BTG4: variants seen among roughly 807,000 people sequenced by gnomAD.
The protein encoded by BTG4 is BTG anti-proliferation factor 4.
BTG4 carries 10 observed loss-of-function variants against 19.3 expected under a neutral mutation model. That is an observed-to-expected ratio of 0.52 (90% confidence interval 0.32 to 0.88). The LOEUF is 0.88. Among genes scored for constraint, BTG4 ranks in the 40% least tolerant of loss-of-function variants. BTG4 has a pLI of 0.04. For synonymous variants in BTG4, 91 were observed against 95.7 expected (o/e 0.95, Z 0.29); for missense variants, 238 against 281.9 (o/e 0.84, Z 1.11).
chr11:111,410,178 A>C, the BTG4 span, among the ~76,000 whole-genome samples: 1 of 137,808 alleles, frequency 7.3e-6, no homozygotes, highest in East Asian at 2.0e-4. Flanking sequence ...GGCCTTTCTG[A>C]AACTCTTTTT....
the BTG4 span, among the ~76,000 whole-genome samples, chr11:111,392,256 C>A: frequency 2.2e-5 from 3 of 137,524 alleles, no homozygotes; most frequent in Non-Finnish European, 3.1e-5. Context: ...CGGCTCACTG[C>A]AAGCTCTGCC....
intron 5 of BTG4, among the ~76,000 whole-genome samples, chr11:111,488,908 G>A (rs947531945): frequency 3.3e-5 from 5 of 152,140 alleles, no homozygotes; most frequent in Non-Finnish European, 7.4e-5. Flanking sequence ...CACTTTGGGA[G>A]GCTGAGGTGG....
chr11:111,491,210 G>A (rs75188980), downstream of BTG4, among the ~76,000 whole-genome samples: 4,071 of 152,252 alleles, frequency 0.027, 94 homozygotes, highest in Middle Eastern at 0.088. Flanking sequence ...TTGCCAAGGG[G>A]TTAAGAAAGG....
At chr11:111,508,381 T>C (rs1043749031) in intron 1 of BTG4, among the ~76,000 whole-genome samples, 4 of 147,754 alleles carry the variant, frequency 2.7e-5, no homozygotes, top group Admixed American at 6.9e-5. Flanking sequence ...TTTTTTTTGG[T>C]GAACTTCACA....
the BTG4 span, among the ~76,000 whole-genome samples, chr11:111,412,994 C>T: frequency 9.2e-5 from 14 of 152,184 alleles, no homozygotes; most frequent in African/African-American, 2.6e-4. Context: ...GCATTAAAGA[C>T]GGGTGGTCGG....
chr11:111,506,785 T>A (rs986891633), intron 1 of BTG4, among the ~76,000 whole-genome samples: 4 of 152,126 alleles, frequency 2.6e-5, no homozygotes, highest in African/African-American at 7.2e-5. Context: ...ACTCTCTTAT[T>A]AATGGAACAT....
In BTG4 at chr11:111,472,535, T is replaced by C. The variant is rs796496574; in HGVS notation, c.663-4854A>G. Among the ~76,000 whole-genome samples, 17 of 152,258 alleles carry C rather than the reference T, an allele frequency of 1.1e-4. 1 individual carries two copies. The highest frequency in any genetic ancestry group is 4.1e-4 in the African/African-American group (17 of 41,558). On this transcript the variant is annotated intron_variant, in intron 5 of 5. Transcript: ENST00000356018. ...AGCTCCCAGAGCAAAGAGTTACTCA[T>C]CCCAAAATAGTGCCAATCCTGGTCT...
the BTG4 span, among the ~76,000 whole-genome samples, chr11:111,395,674 A>C: frequency 1.3e-5 from 2 of 152,242 alleles, no homozygotes; most frequent in African/African-American, 2.4e-5. Flanking sequence ...GCTGATACAA[A>C]AGCCCCAAAT....
At chr11:111,476,135 T>TACACAC (rs55989357) in intron 5 of BTG4, among the ~76,000 whole-genome samples, 3,560 of 148,286 alleles carry the variant, frequency 0.024, 87 homozygotes, top group African/African-American at 0.066. Flanking sequence ...CCAGAATAGA[T>TACACAC]ACACACACAC....
At chr11:111,421,972 C>T in the BTG4 span, among the ~76,000 whole-genome samples, 1 of 151,956 alleles carries the variant, frequency 6.6e-6, no homozygotes, top group Non-Finnish European at 1.5e-5. Context: ...ACCATTGAGA[C>T]CAAGCTCACG....
Position 111,479,096 on chromosome 11 carries a change from A to G in BTG4, c.663-11415T>C, listed in dbSNP as rs1193966508. On this transcript the variant is annotated intron_variant, in intron 5 of 5. Coordinates refer to the BTG4 transcript ENST00000356018. ...AAATTTCTGAAAACAAAAAGCAAAG[A>G]AAAAATCTTGAAAGCAGCCAGAGAA... Among the ~76,000 whole-genome samples, 3 of 152,142 alleles carry G rather than the reference A, an allele frequency of 2.0e-5. No individual in the cohort carries two copies. In the East Asian group the frequency reaches 5.8e-4, roughly 29 times the overall value.
chr11:111,488,133 C>T (rs772189953), intron 5 of BTG4, among the ~76,000 whole-genome samples: 19 of 152,038 alleles, frequency 1.2e-4, no homozygotes, highest in Non-Finnish European at 2.2e-4. Context: ...ACAAATGACC[C>T]AGAACAGCCA....
the BTG4 span, among the ~76,000 whole-genome samples, chr11:111,435,544 C>A: frequency 4.6e-5 from 7 of 152,302 alleles, no homozygotes; most frequent in South Asian, 1.0e-3. Flanking sequence ...GAAAGGAATT[C>A]TTTGGCTGAG....
chr11:111,436,314 C>T, the BTG4 span, among the ~76,000 whole-genome samples: 1 of 152,144 alleles, frequency 6.6e-6, no homozygotes, highest in African/African-American at 2.4e-5. Flanking sequence ...GACCTGGCAA[C>T]TGGATAAATG....
chr11:111,405,177 G>A, the BTG4 span, among the ~76,000 whole-genome samples: 5 of 152,054 alleles, frequency 3.3e-5, no homozygotes, highest in Admixed American at 6.5e-5. Flanking sequence ...AGGCCGAGGC[G>A]GGTGGATCAG....
chr11:111,401,271 G>A, the BTG4 span, among the ~76,000 whole-genome samples: 2 of 152,056 alleles, frequency 1.3e-5, no homozygotes, highest in Admixed American at 6.5e-5. Flanking sequence ...CGGATCACGA[G>A]GTCAGGAGAT....
the BTG4 span, among the ~76,000 whole-genome samples, chr11:111,391,010 G>A: frequency 7.9e-5 from 12 of 152,328 alleles, no homozygotes; most frequent in Non-Finnish European, 1.8e-4. Flanking sequence ...GTGCAAGGAA[G>A]CACCTTAGGT....
chr11:111,512,982 G>A (rs1366001454), upstream of BTG4: 10 of 470,756 alleles, frequency 2.1e-5, no homozygotes, highest in South Asian at 6.2e-5. Context: ...GTACTGTGGT[G>A]GTTACAATCA....
At chr11:111,433,754 C>T in the BTG4 span, among the ~76,000 whole-genome samples, 56 of 152,280 alleles carry the variant, frequency 3.7e-4, no homozygotes, top group Non-Finnish European at 7.1e-4. Context: ...TATGAACAGA[C>T]ATGTCTCAAA....
Sources: gnomAD v4.1 joint callset for allele counts (sites outside exome capture counted in the v4.1 genomes callset) on GRCh38, gnomAD v4.1.1 for gene constraint, MANE v1.5 for transcripts, NCBI Gene and HGNC (gene_info 2026-07-23, HGNC 2026-07-21) for gene names.